The following YPEL2 variants were observed in gnomAD, a reference collection of about 807,000 sequenced individuals.
The protein encoded by YPEL2 is yippee like 2.
Under a neutral mutation model 19.1 loss-of-function variants are expected in YPEL2, and 2 were observed. That is an observed-to-expected ratio of 0.10 (90% CI 0.04 to 0.33). YPEL2 has a LOEUF of 0.33. YPEL2 is among the 10% of genes least tolerant of loss of function. The probability of loss-of-function intolerance (pLI) is 1.00; values close to 1 mark genes in which losing one functional copy is unlikely to be tolerated. For synonymous variants in YPEL2, 52 were observed against 50.0 expected (o/e 1.04, Z -0.17); for missense variants, 66 against 140.7 (o/e 0.47, Z 2.68).
chr17:59,359,828 G>C (rs962159107), intron 2 of YPEL2, among the ~76,000 whole-genome samples: 1 of 152,230 alleles, frequency 6.6e-6, no homozygotes, highest in Admixed American at 6.5e-5. Context: ...CAGAAGGGTG[G>C]GAACAACTGC....
At chr17:59,384,438 C>A (rs1464945756) in intron 2 of YPEL2, among the ~76,000 whole-genome samples, 1 of 152,072 alleles carries the variant, frequency 6.6e-6, no homozygotes, top group African/African-American at 2.4e-5. Context: ...TATTTAAAAT[C>A]GTGTTTTTTA....
chr17:59,376,014 T>C (rs2047919141), intron 2 of YPEL2, among the ~76,000 whole-genome samples: 1 of 152,192 alleles, frequency 6.6e-6, no homozygotes, highest in African/African-American at 2.4e-5. Context: ...TCCTCCTCTG[T>C]CTTGGAGGTT....
intron 1 of YPEL2, among the ~76,000 whole-genome samples, chr17:59,342,669 G>A (rs186903127): frequency 6.6e-6 from 1 of 152,346 alleles, no homozygotes; most frequent in East Asian, 1.9e-4. Flanking sequence ...CAAAAGGAAG[G>A]ACTGGTGTTG....
intron 2 of YPEL2, among the ~76,000 whole-genome samples, chr17:59,378,654 C>T (rs2047934230): frequency 6.6e-6 from 1 of 152,146 alleles, no homozygotes; most frequent in African/African-American, 2.4e-5. Flanking sequence ...TCCCTTTCAT[C>T]AATAAAACAC....
At chr17:59,365,850 G>A (rs1211531408) in intron 2 of YPEL2, among the ~76,000 whole-genome samples, 3 of 152,240 alleles carry the variant, frequency 2.0e-5, no homozygotes, top group South Asian at 2.1e-4. Context: ...GGCTCTGCCA[G>A]CTGCCGCTAG....
chr17:59,350,223 A>C (rs1425436068), intron 1 of YPEL2, among the ~76,000 whole-genome samples: 1 of 152,026 alleles, frequency 6.6e-6, no homozygotes, highest in East Asian at 1.9e-4. Context: ...GGCGCGTGCC[A>C]CCATGCCTGG....
intron 2 of YPEL2, among the ~76,000 whole-genome samples, chr17:59,360,279 G>T (rs1175032492): frequency 6.6e-6 from 1 of 152,104 alleles, no homozygotes; most frequent in Non-Finnish European, 1.5e-5. Context: ...GGGTTTCACC[G>T]TGTTGGCCAG....
chr17:59,348,953 G>A (rs543990408), intron 1 of YPEL2, among the ~76,000 whole-genome samples: 126 of 152,230 alleles, frequency 8.3e-4, no homozygotes, highest in African/African-American at 2.9e-3. Flanking sequence ...TTGGGAGGCC[G>A]AGGTGGGCGG....
intron 2 of YPEL2, among the ~76,000 whole-genome samples, chr17:59,357,863 C>T (rs991028090): frequency 6.6e-6 from 1 of 152,148 alleles, no homozygotes; most frequent in African/African-American, 2.4e-5. Context: ...TTCATGCCAA[C>T]ACACGGTTGC....
intron 2 of YPEL2, chr17:59,362,580 C>T (rs2047846556): frequency 6.6e-6 from 1 of 152,126 alleles, no homozygotes; most frequent in East Asian, 1.9e-4. Flanking sequence ...GAAATGTTGA[C>T]TTGAGCGATG....
rs567912666 is a variant in YPEL2 at position 59,394,604 on chromosome 17, A to G, written c.271-2497A>G. Among the ~76,000 whole-genome samples, 670 of 145,328 alleles carry G rather than the reference A, an allele frequency of 4.6e-3. 7 individuals carry two copies. In the Middle Eastern group the frequency reaches 0.049, roughly 11 times the overall value. ...GGCAGAGACGCTCCTCACTTTCCAGACTGGGCAGCCAGGCAGAGGGGCTCC... is the reference window on the plus strand; with the variant it reads ...GGCAGAGACGCTCCTCACTTTCCAGGCTGGGCAGCCAGGCAGAGGGGCTCC... On this transcript the variant is annotated intron_variant, in intron 4 of 4. Coordinates refer to ENST00000312655, the MANE Select transcript of YPEL2 (RefSeq NM_001005404.4).
chr17:59,398,106 ATT>A lies in YPEL2; in HGVS notation c.*917_*918del. Reference sequence around the variant, plus strand: ...GAGCTCCTGAAGAAATGGCTCAGATATTGAGTCAGAGAAATAAAAAGTAGGAT... The same window carrying A: ...GAGCTCCTGAAGAAATGGCTCAGATAGAGTCAGAGAAATAAAAAGTAGGAT... On this transcript the variant is annotated 3_prime_UTR_variant, in exon 5 of 5. Coordinates refer to ENST00000312655, the MANE Select transcript of YPEL2 (RefSeq NM_001005404.4). 6.6e-6 allele frequency: 1 copy of A among 152,344 alleles called. No individual in the cohort carries two copies. The highest frequency in any genetic ancestry group is 2.1e-4 in the South Asian group (1 of 4,826). 9.4% of individuals were successfully genotyped at this position (152,344 alleles called of 1,614,324 possible). A position where few individuals can be genotyped will look rare whatever the true frequency, so the allele number is the denominator to read the frequency against.
chr17:59,391,690 GA>G, intron 4 of YPEL2, among the ~76,000 whole-genome samples: 1 of 152,082 alleles, frequency 6.6e-6, no homozygotes, highest in Admixed American at 6.5e-5. Context: ...CTGAGGTCAA[GA>G]GTTCGAGACC....
chr17:59,368,985 A>G (rs1175247503), intron 2 of YPEL2, among the ~76,000 whole-genome samples: 1 of 151,848 alleles, frequency 6.6e-6, no homozygotes, highest in Non-Finnish European at 1.5e-5. Context: ...GCTAAATAGC[A>G]AGCAGGTAGA....
intron 1 of YPEL2, among the ~76,000 whole-genome samples, chr17:59,340,585 T>G (rs1309405535): frequency 6.6e-6 from 1 of 151,752 alleles, no homozygotes; most frequent in Non-Finnish European, 1.5e-5. Context: ...TCGGCTAATT[T>G]TTTATACTTT....
chr17:59,369,591 C>T (rs1188590729), intron 2 of YPEL2, among the ~76,000 whole-genome samples: 2 of 152,218 alleles, frequency 1.3e-5, no homozygotes, highest in Non-Finnish European at 2.9e-5. Context: ...TCGCCTGACC[C>T]TAGTCCCAGA....
Position 59,353,131 on chromosome 17 carries a change from CATG to C in YPEL2, c.-195-83_-195-81del. On this transcript the variant is annotated intron_variant, in intron 1 of 4. Coordinates refer to ENST00000312655, the MANE Select transcript of YPEL2 (RefSeq NM_001005404.4). The surrounding 1 kb of genome is among the most constrained non-coding windows in gnomAD (Gnocchi z 4.8). ...TTGATCCTGTCAGTGTTGCCTTCTT[CATG>C]GGTGGCAGTTGGATTCTGCTTGCTT... is the stretch of plus-strand genomic sequence containing the variant. The C allele has an allele frequency of 6.9e-6, 2 of 288,880 alleles. No individual in the cohort carries two copies. Among genetic ancestry groups the C allele is most frequent in the South Asian group, 8.1e-5 (1 of 12,306 alleles). 17.9% of individuals were successfully genotyped at this position (288,880 alleles called of 1,614,324 possible). A position where few individuals can be genotyped will look rare whatever the true frequency, so the allele number is the denominator to read the frequency against.
Position 59,398,359 on chromosome 17 carries a change from A to G in YPEL2, c.*1169A>G, listed in dbSNP as rs961315839. 5.9e-5 allele frequency: 9 copies of G among 152,140 alleles called. No individual in the cohort carries two copies. The highest frequency in any genetic ancestry group is 1.3e-4 in the Admixed American group (2 of 15,272). 9.4% of individuals were successfully genotyped at this position (152,140 alleles called of 1,614,324 possible). On this transcript the variant is annotated 3_prime_UTR_variant, in exon 5 of 5. Coordinates refer to ENST00000312655, the MANE Select transcript of YPEL2 (RefSeq NM_001005404.4). ...CCAGTCTTGTTACTGTAGACTGTAG[A>G]AAGCACGGGCCCCAGGCTCTGAGCT...
chr17:59,389,276 G>A (rs1391694976), intron 3 of YPEL2, 84 bp from the exon 4 acceptor site: 1 of 1,288,962 alleles, frequency 7.8e-7, no homozygotes, highest in African/African-American at 1.5e-5. Flanking sequence ...GCCTTTCCCA[G>A]TTAATTTTTG....
Sources: gnomAD v4.1 joint callset for allele counts (sites outside exome capture counted in the v4.1 genomes callset) on GRCh38, gnomAD v4.1.1 for gene constraint, Gnocchi (gnomAD v3.1) non-coding constraint, MANE v1.5 for transcripts, NCBI Gene and HGNC (gene_info 2026-07-23, HGNC 2026-07-21) for gene names.